PIAS4: variants seen among roughly 807,000 people sequenced by gnomAD.
PIAS4 encodes E3 SUMO-protein ligase PIAS4.
PIAS4 carries 7 observed loss-of-function variants against 58.0 expected under a neutral mutation model. That is an observed-to-expected ratio of 0.12 (90% CI 0.07 to 0.23). The LOEUF is 0.23. PIAS4 is among the 10% of genes least tolerant of loss of function. PIAS4 has a pLI of 1.00. For missense variants in PIAS4, 550 were observed against 709.5 expected (o/e 0.78, Z 2.55); for synonymous variants, 364 against 312.4 (o/e 1.17, Z -1.74).
At chr19:4,020,913 T>G (rs540244976) in intron 2 of PIAS4, among the ~76,000 whole-genome samples, 1 of 152,302 alleles carries the variant, frequency 6.6e-6, no homozygotes, top group South Asian at 2.1e-4. Flanking sequence ...CAAGTTTCTT[T>G]GAACGCATGT....
intron 7 of PIAS4, 52 bp from the exon 8 acceptor site, chr19:4,033,048 G>T (rs548688997): frequency 1.4e-6 from 2 of 1,446,118 alleles, no homozygotes; most frequent in Admixed American, 1.7e-5. Flanking sequence ...TCACAGCCCC[G>T]CGCCCTGCTG....
rs1343332878 is a variant in PIAS4 at position 4,038,127 on chromosome 19, G to A, written c.*252G>A. The A allele has an allele frequency of 3.2e-5, 15 of 461,912 alleles. No homozygotes were observed. Among genetic ancestry groups the A allele is most frequent in the South Asian group, 2.6e-4 (10 of 39,094 alleles). 28.6% of individuals were successfully genotyped at this position (461,912 alleles called of 1,614,324 possible). A position where few individuals can be genotyped will look rare whatever the true frequency, so the allele number is the denominator to read the frequency against. On this transcript the variant is annotated 3_prime_UTR_variant, in exon 11 of 11. Transcript: ENST00000262971. This position sits in a 1 kb window ranked among gnomAD's most constrained non-coding sequence, Gnocchi z 4.1. ...AAAAAGTCAAACTCTTAAAAACAAG[G>A]CCGGCCACCCACACAGCCGCCTCCC...
chr19:4,028,278 C>A, intron 4 of PIAS4, 91 bp downstream of exon 4: 1 of 1,027,498 alleles, frequency 9.7e-7, no homozygotes, highest in South Asian at 1.3e-5. Context: ...CCTTCTCAGT[C>A]TCCCCTGCTA....
rs189434310 is a variant in PIAS4, at chr19:4,010,038, A to G, written c.27+2251A>G. On this transcript the variant is annotated intron_variant, in intron 1 of 10. Coordinates refer to ENST00000262971, the MANE Select transcript of PIAS4 (RefSeq NM_015897.4). ...GCTGTGTCTCGGCTGATGTCTCCCCATGCGACTTCCAGGCAAGCCTGGAGT... is the reference window on the plus strand; with the variant it reads ...GCTGTGTCTCGGCTGATGTCTCCCCGTGCGACTTCCAGGCAAGCCTGGAGT... Among the ~76,000 whole-genome samples, 589 of 152,296 alleles carry G rather than the reference A, an allele frequency of 3.9e-3. 2 individuals are homozygous for G. Among genetic ancestry groups the G allele is most frequent in the Non-Finnish European group, 6.4e-3 (436 of 68,022 alleles).
chr19:4,036,608 A>G lies in PIAS4; in HGVS notation c.1143-766A>G, dbSNP rs897908684. 3.5e-5 allele frequency among the ~76,000 whole-genome samples: 5 copies of G among 142,604 alleles called. 1 individual carries two copies. The highest frequency in any genetic ancestry group is 1.2e-4 in the African/African-American group (4 of 34,324). 93.6% of individuals were successfully genotyped at this position (142,604 alleles called of 152,430 possible). A position where few individuals can be genotyped will look rare whatever the true frequency, so the allele number is the denominator to read the frequency against. On this transcript the variant is annotated intron_variant, in intron 9 of 10. Transcript: ENST00000262971. Reference sequence around the variant, plus strand: ...CACACCGTCATACACACACACATCTATACAGTCCACACCGTCTCACATCTA... The same window carrying G: ...CACACCGTCATACACACACACATCTGTACAGTCCACACCGTCTCACATCTA...
chr19:4,025,838 C>T (rs1013773120), intron 3 of PIAS4, among the ~76,000 whole-genome samples: 1 of 151,998 alleles, frequency 6.6e-6, no homozygotes, highest in South Asian at 2.1e-4. Context: ...CTTTGGGAGG[C>T]CAAGGCAGGT....
intron 1 of PIAS4, among the ~76,000 whole-genome samples, chr19:4,009,441 G>C (rs1365185012): frequency 6.6e-6 from 1 of 152,096 alleles, no homozygotes; most frequent in Non-Finnish European, 1.5e-5. Flanking sequence ...CCGTTTCGGG[G>C]CTTGGAGCTG....
Position 4,028,981 on chromosome 19 carries a change from G to C in PIAS4, c.852G>C (p.Leu284=). ...TGCGGCAGCTGACCTCATCGGAGCT[G>C]CTGCAGAGGCTGAAGACCATTGGGG... ...YLVRQLTSSE[L]LQRLKTIGVK... is the part of the protein sequence containing the mutation. The change falls in exon 7 of 11, where the codon CTG becomes CTC. Residue 284 remains leucine, a synonymous_variant. Coordinates refer to ENST00000262971, the MANE Select transcript of PIAS4 (RefSeq NM_015897.4). 2 of 1,610,946 alleles carry C rather than the reference G, an allele frequency of 1.2e-6. No homozygotes were observed. The highest frequency in any genetic ancestry group is 1.1e-5 in the South Asian group (1 of 90,650).
chr19:4,007,814 G>A (rs914480858), intron 1 of PIAS4, 27 bp downstream of exon 1: 3 of 1,207,606 alleles, frequency 2.5e-6, no homozygotes, highest in African/African-American at 1.6e-5. Context: ...GGCGCCGGCC[G>A]GGGCAAGTGG....
At chr19:4,020,530 T>C (rs540396469) in intron 2 of PIAS4, among the ~76,000 whole-genome samples, 1 of 152,256 alleles carries the variant, frequency 6.6e-6, no homozygotes, top group Non-Finnish European at 1.5e-5. Flanking sequence ...TTTACACTTA[T>C]AAACAAATAG....
At position 4,037,312 on chromosome 19, in the gene PIAS4, G is replaced by C. The variant is rs1242152107; in HGVS notation, c.1143-62G>C. The C allele has an allele frequency of 2.7e-5, 42 of 1,553,348 alleles. No individual in the cohort carries two copies. Among genetic ancestry groups the C allele is most frequent in the Non-Finnish European group, 3.5e-5 (40 of 1,148,948 alleles). ...TGGCTGCATCCGGGAGGGATGGAGG[G>C]CTGGGGAGTTGGGGGGGTGGGGCAC... On this transcript the variant is annotated intron_variant, in intron 9 of 10. Transcript: ENST00000262971. The surrounding 1 kb of genome is among the most constrained non-coding windows in gnomAD (Gnocchi z 5.8).
At position 4,013,707 on chromosome 19, in the gene PIAS4, T is replaced by A. The variant is rs149152892; in HGVS notation, c.454+358T>A. Among the ~76,000 whole-genome samples the A allele has an allele frequency of 0.014, 2,093 of 152,146 alleles. 35 individuals are homozygous for A. Among genetic ancestry groups the A allele is most frequent in the Admixed American group, 0.041 (634 of 15,290 alleles). ...CTCGACCAGGGCTGGAGCAGGCACA[T>A]CCTTGTGTGGTGGCTGGCAGGCCTC... On this transcript the variant is annotated intron_variant, in intron 2 of 10. Coordinates refer to ENST00000262971, the MANE Select transcript of PIAS4 (RefSeq NM_015897.4). This position sits in a 1 kb window ranked among gnomAD's most constrained non-coding sequence, Gnocchi z 5.1.
intron 2 of PIAS4, among the ~76,000 whole-genome samples, chr19:4,017,412 G>A (rs1172857495): frequency 2.0e-5 from 3 of 152,152 alleles, no homozygotes; most frequent in Non-Finnish European, 2.9e-5. Flanking sequence ...TTCACTGATG[G>A]GTAGAGTGGT....
intron 2 of PIAS4, among the ~76,000 whole-genome samples, chr19:4,014,486 G>A (rs956913765): frequency 1.3e-5 from 2 of 152,206 alleles, no homozygotes; most frequent in African/African-American, 2.4e-5. Context: ...CCTGTGCCTT[G>A]AGGCGCTCAG....
chr19:4,033,156 G>T lies in PIAS4; in HGVS notation c.964G>T (p.Val322Leu). Reference sequence around the variant, plus strand: ...CGAGATCGCCACCACCGGTGTGCGGGTGTCCCTCATCTGTCCGGTGAGTCG... The same window carrying T: ...CGAGATCGCCACCACCGGTGTGCGGTTGTCCCTCATCTGTCCGGTGAGTCG... ...DSEIATTGVR[V>L]SLICPLVKMR... The change falls in exon 8 of 11, where the codon GTG (valine) becomes TTG (leucine). Residue 322 changes from valine (V) to leucine (L), a missense_variant. Coordinates refer to ENST00000262971, the MANE Select transcript of PIAS4 (RefSeq NM_015897.4). 6.2e-7 allele frequency: 1 copy of T among 1,610,600 alleles called. No homozygotes were observed.
intron 1 of PIAS4, among the ~76,000 whole-genome samples, chr19:4,008,081 A>T: frequency 6.6e-6 from 1 of 151,432 alleles, no homozygotes. Context: ...CCTGAGCGCC[A>T]GGCCAGGGCC....
rs948546411 is a variant in PIAS4, at chr19:4,012,778, A to G, written c.28-145A>G. 8.3e-6 allele frequency: 7 copies of G among 842,626 alleles called. No homozygotes were observed. In the African/African-American group the frequency reaches 8.5e-5, roughly 10 times the overall value. 52.2% of individuals were successfully genotyped at this position (842,626 alleles called of 1,614,324 possible). ...TGCTGGGAGGGGGCACCGTAGGGGC[A>G]GGGCACTCCACCAGCCCCAGCCAAG... On this transcript the variant is annotated intron_variant, in intron 1 of 10. Transcript: ENST00000262971.
Position 4,024,242 on chromosome 19 carries a change from G to A in PIAS4, c.539+122G>A, listed in dbSNP as rs1034035469. 27 of 733,440 alleles carry A rather than the reference G, an allele frequency of 3.7e-5. 1 individual carries two copies. The highest frequency in any genetic ancestry group is 6.1e-5 in the South Asian group (4 of 65,962). 45.4% of individuals were successfully genotyped at this position (733,440 alleles called of 1,614,324 possible). On this transcript the variant is annotated intron_variant, in intron 3 of 10. Coordinates refer to ENST00000262971, the MANE Select transcript of PIAS4 (RefSeq NM_015897.4). ...CCTCGCTCGGGCTCAGTCCAGAACC[G>A]TGCTGCAAGGCAGTGGCCGGGTTTG... is the stretch of plus-strand genomic sequence containing the variant.
Position 4,027,562 on chromosome 19 carries a change from G to T in PIAS4, c.540-584G>T, listed in dbSNP as rs1464093920. 2.3e-4 allele frequency among the ~76,000 whole-genome samples: 30 copies of T among 130,868 alleles called. No individual in the cohort carries two copies. The East Asian group carries it at 2.5e-3, about 11-fold the overall frequency. The allele number at this position is 130,868 out of a possible 152,430, so 85.9% of individuals were successfully genotyped here. A position where few individuals can be genotyped will look rare whatever the true frequency, so the allele number is the denominator to read the frequency against. On this transcript the variant is annotated intron_variant, in intron 3 of 10. Coordinates refer to ENST00000262971, the MANE Select transcript of PIAS4 (RefSeq NM_015897.4). ...TAAAGTTTATCCTCAGGTGTTACTG[G>T]TTTTTGTTTTTTTTTTTTTGGAGAG... is the stretch of plus-strand genomic sequence containing the variant.
Sources: gnomAD v4.1 joint callset for allele counts (sites outside exome capture counted in the v4.1 genomes callset) on GRCh38, gnomAD v4.1.1 for gene constraint, Gnocchi (gnomAD v3.1) non-coding constraint, MANE v1.5 for transcripts, NCBI Gene and HGNC (gene_info 2026-07-23, HGNC 2026-07-21) for gene names.